The following LHFPL3 variants were observed in gnomAD, a reference collection of about 807,000 sequenced individuals.
LHFPL3 encodes the protein LHFPL tetraspan subfamily member 3.
LHFPL3 carries 5 observed loss-of-function variants against 19.3 expected under a neutral mutation model. The ratio of observed to expected loss-of-function variants is 0.26; its 90% CI spans 0.14 to 0.54. The LOEUF (loss-of-function observed/expected upper bound fraction) is 0.54. Among genes scored for constraint, LHFPL3 ranks in the 20% least tolerant of loss-of-function variants. The probability of loss-of-function intolerance (pLI) is 0.94; values close to 1 mark genes in which losing one functional copy is unlikely to be tolerated. For missense variants in LHFPL3, 249 were observed against 307.4 expected (o/e 0.81, Z 1.42); for synonymous variants, 133 against 126.2 (o/e 1.05, Z -0.36).
At chr7:104,765,254 A>C (rs891185663) in intron 2 of LHFPL3, among the ~76,000 whole-genome samples, 12 of 152,338 alleles carry the variant, frequency 7.9e-5, no homozygotes, top group Non-Finnish European at 1.5e-4. Flanking sequence ...GCACAAAAGA[A>C]AAAGTTATGA....
At chr7:104,357,757 TTCCTCC>T (rs143282110) in intron 1 of LHFPL3, among the ~76,000 whole-genome samples, 1 of 151,282 alleles carries the variant, frequency 6.6e-6, no homozygotes, top group African/African-American at 2.4e-5. Flanking sequence ...ATTTCTCCTC[TTCCTCC>T]TCCTCCTCCT....
At chr7:104,395,068 G>T (rs779787407) in intron 1 of LHFPL3, among the ~76,000 whole-genome samples, 2 of 151,792 alleles carry the variant, frequency 1.3e-5, no homozygotes, top group East Asian at 1.9e-4. Flanking sequence ...TGAGCTTATT[G>T]TATACCACAA....
chr7:104,720,525 A>G (rs964137407), intron 1 of LHFPL3, among the ~76,000 whole-genome samples: 1 of 152,118 alleles, frequency 6.6e-6, no homozygotes, highest in Non-Finnish European at 1.5e-5. Context: ...GGCAACAAAA[A>G]CCGAAATTGA....
intron 2 of LHFPL3, among the ~76,000 whole-genome samples, chr7:104,787,326 C>T (rs975783506): frequency 6.6e-6 from 1 of 152,194 alleles, no homozygotes; most frequent in Non-Finnish European, 1.5e-5. Flanking sequence ...CAATAGAAAG[C>T]ATGAAAACAA....
chr7:104,648,408 AC>A (rs1791969718), intron 1 of LHFPL3, among the ~76,000 whole-genome samples: 1 of 152,046 alleles, frequency 6.6e-6, no homozygotes, highest in South Asian at 2.1e-4. Context: ...ATTCCTCCAG[AC>A]CCCTACAAAA....
intron 2 of LHFPL3, among the ~76,000 whole-genome samples, chr7:104,818,053 G>T: frequency 6.6e-6 from 1 of 152,128 alleles, no homozygotes; most frequent in East Asian, 1.9e-4. Context: ...TCACACAAAG[G>T]GCTCTTGGGC....
intron 1 of LHFPL3, among the ~76,000 whole-genome samples, chr7:104,440,685 G>GT (rs1290689978): frequency 6.6e-6 from 1 of 152,108 alleles, no homozygotes; most frequent in African/African-American, 2.4e-5. Context: ...AATTTATATA[G>GT]TTTTACCTAA....
chr7:104,512,596 C>T (rs931383362), intron 1 of LHFPL3, among the ~76,000 whole-genome samples: 5 of 151,892 alleles, frequency 3.3e-5, no homozygotes, highest in Non-Finnish European at 4.4e-5. Context: ...ATTAGCCAGG[C>T]GTGGTGACAG....
At chr7:104,496,098 T>C (rs1793469677) in intron 1 of LHFPL3, among the ~76,000 whole-genome samples, 1 of 152,156 alleles carries the variant, frequency 6.6e-6, no homozygotes, top group Non-Finnish European at 1.5e-5. Flanking sequence ...TAGTTATATC[T>C]CCTAATGCTA....
chr7:104,692,440 A>C (rs2116139337), intron 1 of LHFPL3, among the ~76,000 whole-genome samples: 1 of 152,322 alleles, frequency 6.6e-6, no homozygotes, highest in South Asian at 2.1e-4. Context: ...AAGAGGAAAT[A>C]ATTGTTTCAT....
chr7:104,573,488 T>C (rs1326296113), intron 1 of LHFPL3, among the ~76,000 whole-genome samples: 1 of 151,712 alleles, frequency 6.6e-6, no homozygotes, highest in Admixed American at 6.6e-5. Flanking sequence ...GGCTATTAAA[T>C]GGTATAGGAA....
rs566722711 is a variant in LHFPL3 at position 104,876,829 on chromosome 7, A to G, written c.683-29358A>G. Among the ~76,000 whole-genome samples the G allele has an allele frequency of 2.0e-5, 3 of 152,272 alleles. No homozygotes were observed. The East Asian group carries it at 5.8e-4, about 29-fold the overall frequency. On this transcript the variant is annotated intron_variant, in intron 2 of 2. Transcript: ENST00000424859. The stretch of plus-strand genomic sequence containing the variant: ...CTGCTATAAGGACACATGCACATGT[A>G]TGTTTATTGTGGCACTATTCACAAA...
At chr7:104,739,345 G>T (rs566901760) in intron 2 of LHFPL3, among the ~76,000 whole-genome samples, 2 of 152,272 alleles carry the variant, frequency 1.3e-5, no homozygotes, top group African/African-American at 4.8e-5. Flanking sequence ...ATCAGTAGTT[G>T]TGTATGTTGT....
chr7:104,495,575 G>T (rs9641333), intron 1 of LHFPL3, among the ~76,000 whole-genome samples: 11 of 151,878 alleles, frequency 7.2e-5, no homozygotes, highest in Non-Finnish European at 1.3e-4. Context: ...AGTAGAGATG[G>T]GGTTTCACCA....
intron 1 of LHFPL3, among the ~76,000 whole-genome samples, chr7:104,586,832 A>G (rs1382606793): frequency 6.6e-6 from 1 of 152,186 alleles, no homozygotes. Flanking sequence ...CAAGCACATT[A>G]ACACAATCTG....
chr7:104,760,504 A>C (rs1442762941), intron 2 of LHFPL3, among the ~76,000 whole-genome samples: 1 of 152,208 alleles, frequency 6.6e-6, no homozygotes, highest in Non-Finnish European at 1.5e-5. Context: ...GTAAACATAC[A>C]GTAGCCTTTT....
chr7:104,590,027 G>C (rs984922190), intron 1 of LHFPL3, among the ~76,000 whole-genome samples: 1 of 151,844 alleles, frequency 6.6e-6, no homozygotes, highest in Admixed American at 6.6e-5. Context: ...TCTTGCTAGC[G>C]GTCTATCAAT....
chr7:104,879,600 T>C lies in LHFPL3; in HGVS notation c.683-26587T>C, dbSNP rs532887069. ...ATTAGTTGGGTATGGTGGCACACAC[T>C]TGTAGTCCTAGCTACTCGAGAGGCT... On this transcript the variant is annotated intron_variant, in intron 2 of 2. Transcript: ENST00000424859. Among the ~76,000 whole-genome samples, 12 of 152,258 alleles carry C rather than the reference T, an allele frequency of 7.9e-5. No homozygotes were observed. In the East Asian group the frequency reaches 2.3e-3, roughly 29 times the overall value.
intron 1 of LHFPL3, among the ~76,000 whole-genome samples, chr7:104,434,571 C>T (rs1052996121): frequency 6.6e-6 from 1 of 152,168 alleles, no homozygotes; most frequent in Non-Finnish European, 1.5e-5. Context: ...CAATCAGTAT[C>T]CCAGGTCCAC....
Sources: allele counts gnomAD v4.1 joint callset (sites outside exome capture counted in the v4.1 genomes callset), GRCh38; gene constraint gnomAD v4.1.1; transcripts MANE v1.5; gene names NCBI Gene and HGNC (gene_info 2026-07-23, HGNC 2026-07-21).